BUB1: variants seen among roughly 807,000 people sequenced by gnomAD.
The protein encoded by BUB1 is mitotic checkpoint serine/threonine-protein kinase BUB1.
BUB1 carries 84 observed loss-of-function variants against 135.2 expected under a neutral mutation model. The observed-to-expected ratio is 0.62, with a 90% CI of 0.52 to 0.74. BUB1 has a LOEUF of 0.74. Ranked by LOEUF, BUB1 falls within the 30% of genes least tolerant of loss-of-function variation. The pLI is 0.00. For synonymous variants in BUB1, 403 were observed against 434.4 expected (o/e 0.93, Z 0.90); for missense variants, 1,162 against 1,288.3 (o/e 0.90, Z 1.50).
rs777207646 is a variant in BUB1 at position 110,667,661 on chromosome 2, T to G, written c.665A>C (p.His222Pro). 1.1e-5 allele frequency: 18 copies of G among 1,613,626 alleles called. No homozygotes were observed. The East Asian group carries it at 3.1e-4, about 28-fold the overall frequency. Residue 222 changes from histidine (H) to proline (P), a missense_variant, in exon 8 of 25, where the codon CAC becomes CCC. His to Pro is a moderately conservative substitution (Grantham distance 77). Coordinates refer to ENST00000302759, the MANE Select transcript of BUB1 (RefSeq NM_004336.5). ...ITISKSEYSV[H>P]SSLASKVDVE... ...ATCAACTTTGGATGCCAAAGATGAGTGCACAGAATATTCTGATTTAGAAAT... is the reference window on the plus strand; with the variant it reads ...ATCAACTTTGGATGCCAAAGATGAGGGCACAGAATATTCTGATTTAGAAAT...
chr2:110,642,033 C>T (rs1419378590), intron 20 of BUB1, 86 bp downstream of exon 20: 23 of 1,095,072 alleles, frequency 2.1e-5, no homozygotes, highest in Non-Finnish European at 2.2e-5. Context: ...AAAAACACCA[C>T]TATCTTAAAG....
chr2:110,670,027 G>T (rs983348115), intron 5 of BUB1, among the ~76,000 whole-genome samples: 1 of 150,550 alleles, frequency 6.6e-6, no homozygotes, highest in Non-Finnish European at 1.5e-5. Context: ...CTAAGACAAA[G>T]CCTCTGCTCT....
chr2:110,655,998 C>A, intron 15 of BUB1, 82 bp from the exon 16 acceptor site: 1 of 1,315,316 alleles, frequency 7.6e-7, no homozygotes, highest in Non-Finnish European at 1.1e-6. Flanking sequence ...ACTTTAAGAT[C>A]CAAAGAAATG....
chr2:110,663,882 A>T (rs1690167638), intron 9 of BUB1, among the ~76,000 whole-genome samples: 2 of 152,204 alleles, frequency 1.3e-5, no homozygotes, highest in East Asian at 1.9e-4. Context: ...AAAAAAAATT[A>T]GCCAGGCATG....
chr2:110,641,487 T>G, intron 21 of BUB1, 23 bp from the exon 22 acceptor site: 1 of 1,590,948 alleles, frequency 6.3e-7, no homozygotes, highest in East Asian at 2.2e-5. Context: ...GAAAGTGGAA[T>G]CCTGAGTTAG....
Position 110,649,346 on chromosome 2 carries a change from C to A in BUB1, c.2235G>T (p.Lys745Asn), listed in dbSNP as rs766095414. 1 of 1,603,576 alleles carries A rather than the reference C, an allele frequency of 6.2e-7. No individual in the cohort carries two copies. The highest frequency in any genetic ancestry group is 2.2e-5 in the East Asian group (1 of 44,646). ...NFIVGNPWDDKLIFKLLSGLS... is the reference protein window; with the variant it reads ...NFIVGNPWDDNLIFKLLSGLS... ...GCCCAGATAAAAGTTTGAAAATCAG[C>A]TTATCATCCCATGGGTTCCCAACAA... Residue 745 changes from lysine (K) to asparagine (N), a missense_variant, in exon 19 of 25, where the codon AAG (lysine) becomes AAT (asparagine). Transcript: ENST00000302759.
intron 17 of BUB1, among the ~76,000 whole-genome samples, chr2:110,652,016 C>CT (rs1689800222): frequency 6.6e-6 from 1 of 151,752 alleles, no homozygotes; most frequent in Non-Finnish European, 1.5e-5. Flanking sequence ...TGTTAAGCAA[C>CT]TGCATGACTG....
At chr2:110,652,073 C>T (rs955278134) in intron 17 of BUB1, among the ~76,000 whole-genome samples, 1 of 152,050 alleles carries the variant, frequency 6.6e-6, no homozygotes, top group Non-Finnish European at 1.5e-5. Context: ...CACACACACA[C>T]ACACACACAC....
chr2:110,661,854 A>G lies in BUB1; in HGVS notation c.958-13T>C. 1 of 1,609,704 alleles carries G rather than the reference A, an allele frequency of 6.2e-7. No individual in the cohort carries two copies. Among genetic ancestry groups the G allele is most frequent in the Non-Finnish European group, 8.5e-7 (1 of 1,177,658 alleles). ...GTGCTGGATTAACCTTTCATATTAA[A>G]CAAACAAACAACAAAAACAAAACCA... On this transcript the variant is annotated splice_polypyrimidine_tract_variant and intron_variant, in intron 9 of 24. Transcript: ENST00000302759.
At chr2:110,666,181 T>C in intron 9 of BUB1, 82 bp downstream of exon 9, 1 of 1,265,818 alleles carries the variant, frequency 7.9e-7, no homozygotes, top group Non-Finnish European at 1.0e-6. Context: ...GAATTAACTC[T>C]AAAACAGCAC....
chr2:110,675,294 G>C (rs1690544432), intron 1 of BUB1: 1 of 152,264 alleles, frequency 6.6e-6, no homozygotes, highest in African/African-American at 2.4e-5. Flanking sequence ...TATAATAGGA[G>C]AAAGGGTGAG....
Position 110,670,518 on chromosome 2 carries a change from A to AT in BUB1, c.466+6dup, listed in dbSNP as rs770711607. Reference sequence around the variant, plus strand: ...AACAACAGGCATTTTAGAAAGCCTGATTTTACCTTGAGCTGGCAAATGGGT... The same window carrying AT: ...AACAACAGGCATTTTAGAAAGCCTGATTTTTACCTTGAGCTGGCAAATGGGT... On this transcript the variant is annotated splice_region_variant and intron_variant, in intron 5 of 24. Coordinates refer to ENST00000302759, the MANE Select transcript of BUB1 (RefSeq NM_004336.5). The AT allele has an allele frequency of 6.2e-7, 1 of 1,613,880 alleles. No homozygotes were observed. The highest frequency in any genetic ancestry group is 2.2e-5 in the East Asian group (1 of 44,880).
chr2:110,641,113 C>A lies in BUB1; in HGVS notation c.2876G>T (p.Gly959Val). The A allele has an allele frequency of 1.2e-6, 2 of 1,613,420 alleles. No individual in the cohort carries two copies. The highest frequency in any genetic ancestry group is 1.7e-6 in the Non-Finnish European group (2 of 1,179,778). Residue 959 changes from glycine to valine, a missense_variant, in exon 23 of 25, where the codon GGA becomes GTA. By Grantham distance (109) the Gly-to-Val change is moderately radical. Transcript: ENST00000302759. ...QSIDMKLFPKGTIFTAKCETS... is the reference protein window; with the variant it reads ...QSIDMKLFPKVTIFTAKCETS... Reference sequence around the variant, plus strand: ...TTCACACTTTGCTGTGAATATAGTTCCTTTTGGAAAAAGTTTCATATCTAT... The same window carrying A: ...TTCACACTTTGCTGTGAATATAGTTACTTTTGGAAAAAGTTTCATATCTAT...
In BUB1 at chr2:110,637,877, A is replaced by T. The variant is rs1689404485; in HGVS notation, c.*87T>A. 7 of 935,338 alleles carry T rather than the reference A, an allele frequency of 7.5e-6. No individual in the cohort carries two copies. In the East Asian group the frequency reaches 1.7e-4, roughly 23 times the overall value. 57.9% of individuals were successfully genotyped at this position (935,338 alleles called of 1,614,324 possible). A position where few individuals can be genotyped will look rare whatever the true frequency, so the allele number is the denominator to read the frequency against. ...GGATTTATTTTTAACAAACATTTAC[A>T]TAAACAATAAATGAAAAAAAAACAG... On this transcript the variant is annotated 3_prime_UTR_variant, in exon 25 of 25. Transcript: ENST00000302759.
intron 3 of BUB1, 142 bp from the exon 4 acceptor site, chr2:110,672,999 G>A (rs1690464207): frequency 1.2e-6 from 1 of 804,360 alleles, no homozygotes; most frequent in Admixed American, 3.5e-5. Flanking sequence ...CAGGTTTAGA[G>A]GGTTGGACTT....
rs902294538 is a variant in BUB1, at chr2:110,656,894, T to C, written c.1698+142A>G. 12 of 510,184 alleles carry C rather than the reference T, an allele frequency of 2.4e-5. No homozygotes were observed. In the South Asian group the frequency reaches 5.1e-4, roughly 22 times the overall value. The allele number at this position is 510,184 out of a possible 1,614,324, so 31.6% of individuals were successfully genotyped here. A position where few individuals can be genotyped will look rare whatever the true frequency, so the allele number is the denominator to read the frequency against. ...CTTGAATAATTATTAAATAATGTCC[T>C]AAAAGAAACATATTCTTCCTATGTT... On this transcript the variant is annotated intron_variant, in intron 15 of 24. Coordinates refer to ENST00000302759, the MANE Select transcript of BUB1 (RefSeq NM_004336.5).
At position 110,673,937 on chromosome 2, in the gene BUB1, T is replaced by C; in HGVS notation, c.225+149A>G. On this transcript the variant is annotated intron_variant, in intron 3 of 24. Transcript: ENST00000302759. ...TAATCACTAGTGGCACAGAAGTCTG[T>C]TGAATCAGAGAATGAACAGATTTTC... 3 of 683,162 alleles carry C rather than the reference T, an allele frequency of 4.4e-6. No homozygotes were observed. In the South Asian group the frequency reaches 6.0e-5, roughly 14 times the overall value. The allele number at this position is 683,162 out of a possible 1,614,324, so 42.3% of individuals were successfully genotyped here. A position where few individuals can be genotyped will look rare whatever the true frequency, so the allele number is the denominator to read the frequency against.
At chr2:110,674,501 T>C (rs1690519507) in intron 1 of BUB1, 136 bp from the exon 2 acceptor site, 8 of 698,270 alleles carry the variant, frequency 1.1e-5, no homozygotes, top group Non-Finnish European at 1.4e-5. Context: ...ATATACACCA[T>C]TTATATGCAT....
chr2:110,672,635 C>A, intron 4 of BUB1, 26 bp downstream of exon 4: 1 of 1,533,792 alleles, frequency 6.5e-7, no homozygotes, highest in South Asian at 1.3e-5. Context: ...TCAGAATCAT[C>A]ACAGAGAGTT....
Sources: gnomAD v4.1 joint callset for allele counts (sites outside exome capture counted in the v4.1 genomes callset) on GRCh38, gnomAD v4.1.1 for gene constraint, MANE v1.5 for transcripts, NCBI Gene and HGNC (gene_info 2026-07-23, HGNC 2026-07-21) for gene names.